TXNDC16: variants seen among roughly 807,000 people sequenced by gnomAD.
TXNDC16 encodes the protein thioredoxin domain containing 16, also known as thioredoxin domain-containing protein 16.
TXNDC16 carries 74 observed loss-of-function variants against 85.6 expected under a neutral mutation model. That is an observed-to-expected ratio of 0.86 (90% CI 0.72 to 1.05). TXNDC16 has a LOEUF of 1.05. Ranked by LOEUF, TXNDC16 falls within the 50% of genes least tolerant of loss-of-function variation. TXNDC16 has a pLI of 0.00. For synonymous variants in TXNDC16, 335 were observed against 326.5 expected (o/e 1.03, Z -0.28); for missense variants, 959 against 947.0 (o/e 1.01, Z -0.17).
Position 52,432,247 on chromosome 14 carries a change from G to A in TXNDC16, c.*57C>T, listed in dbSNP as rs1402467146. The stretch of plus-strand genomic sequence containing the variant: ...GAAATGATTTAATATTATTCTTTAA[G>A]GAAATAAATTAAGTCTATCATGCCA... On this transcript the variant is annotated 3_prime_UTR_variant, in exon 21 of 21. Coordinates refer to ENST00000281741, the MANE Select transcript of TXNDC16 (RefSeq NM_020784.3). 1 of 1,435,310 alleles carries A rather than the reference G, an allele frequency of 7.0e-7. No homozygotes were observed. The highest frequency in any genetic ancestry group is 2.3e-5 in the Admixed American group (1 of 43,428). 88.9% of individuals were successfully genotyped at this position (1,435,310 alleles called of 1,614,324 possible). A position where few individuals can be genotyped will look rare whatever the true frequency, so the allele number is the denominator to read the frequency against.
chr14:52,539,166 G>C (rs1170701164), intron 4 of TXNDC16, among the ~76,000 whole-genome samples: 3 of 152,168 alleles, frequency 2.0e-5, no homozygotes, highest in African/African-American at 7.2e-5. Flanking sequence ...AATATGTAGT[G>C]TTAAGTCCTA....
chr14:52,441,005 A>T (rs2035152227), intron 18 of TXNDC16, among the ~76,000 whole-genome samples: 1 of 152,208 alleles, frequency 6.6e-6, no homozygotes, highest in South Asian at 2.1e-4. Context: ...AACACTTCTA[A>T]TAATTTATTA....
intron 8 of TXNDC16, 60 bp from the exon 9 acceptor site, chr14:52,511,450 AT>A: frequency 3.5e-6 from 4 of 1,132,220 alleles, no homozygotes; most frequent in Non-Finnish European, 4.9e-6. Context: ...CTACCATCCA[AT>A]AAGCTGTAAC....
chr14:52,547,599 G>C (rs1318072652), intron 1 of TXNDC16, among the ~76,000 whole-genome samples: 3 of 152,200 alleles, frequency 2.0e-5, no homozygotes, highest in Non-Finnish European at 4.4e-5. Context: ...TGCCTAGAGA[G>C]ATTTCAACCG....
intron 1 of TXNDC16, among the ~76,000 whole-genome samples, chr14:52,548,570 C>A (rs948893977): frequency 6.6e-5 from 10 of 152,088 alleles, no homozygotes; most frequent in Admixed American, 4.6e-4. Context: ...TTGGTCACAA[C>A]CCTCATTCTT....
Position 52,470,183 on chromosome 14 carries a change from C to T in TXNDC16, c.1482-10G>A, listed in dbSNP as rs760531168. The stretch of plus-strand genomic sequence containing the variant: ...ATATGAAATCCTGTTGCTGGATAAA[C>T]ATATAACTATATTACAAATTAATTT... On this transcript the variant is annotated splice_polypyrimidine_tract_variant and intron_variant, in intron 15 of 20. Coordinates refer to ENST00000281741, the MANE Select transcript of TXNDC16 (RefSeq NM_020784.3). The T allele has an allele frequency of 6.4e-7, 1 of 1,570,668 alleles. No individual in the cohort carries two copies. The highest frequency in any genetic ancestry group is 8.6e-7 in the Non-Finnish European group (1 of 1,159,272).
chr14:52,504,545 T>G (rs1253116482), intron 9 of TXNDC16, among the ~76,000 whole-genome samples: 2 of 152,158 alleles, frequency 1.3e-5, no homozygotes, highest in African/African-American at 4.8e-5. Flanking sequence ...CCACCAGGCC[T>G]GCCCTAAAAG....
chr14:52,526,816 T>G lies in TXNDC16; in HGVS notation c.393-7523A>C, dbSNP rs144114415. 3.6e-3 allele frequency among the ~76,000 whole-genome samples: 554 copies of G among 152,308 alleles called. 2 individuals are homozygous for G. Among genetic ancestry groups the G allele is most frequent in the Non-Finnish European group, 6.4e-3 (432 of 68,010 alleles). ...ACTTTCAGCTCTAACCCTCAGTCTC[T>G]GAGGAGGAGCGAGGGGCTGAAGGTT... On this transcript the variant is annotated intron_variant, in intron 6 of 20. Transcript: ENST00000281741.
chr14:52,510,791 T>C (rs1449156574), intron 9 of TXNDC16, among the ~76,000 whole-genome samples: 1 of 152,208 alleles, frequency 6.6e-6, no homozygotes, highest in Admixed American at 6.5e-5. Context: ...TTCAGGCTAA[T>C]GGTAAGGAAA....
intron 16 of TXNDC16, among the ~76,000 whole-genome samples, chr14:52,458,571 A>G (rs2035587110): frequency 6.6e-6 from 1 of 152,182 alleles, no homozygotes; most frequent in Non-Finnish European, 1.5e-5. Context: ...GAGAGACGAG[A>G]GACAGAGAGA....
Position 52,514,912 on chromosome 14 carries a change from T to G in TXNDC16, c.573A>C (p.Leu191Phe), listed in dbSNP as rs777652795. ...FVYGTTYQFV[L>F]TTEIALLESI... is the part of the protein sequence containing the mutation. Reference sequence around the variant, plus strand: ...TTTCCAAAAGGGCAATTTCTGTGGTTAAGACAAATTGGTATGTAGTCCCAT... The same window carrying G: ...TTTCCAAAAGGGCAATTTCTGTGGTGAAGACAAATTGGTATGTAGTCCCAT... Residue 191 changes from leucine (L) to phenylalanine (F), a missense_variant, in exon 8 of 21, where the codon TTA becomes TTC. By Grantham distance (22) the Leu-to-Phe change is conservative. Coordinates refer to ENST00000281741, the MANE Select transcript of TXNDC16 (RefSeq NM_020784.3). 6.8e-6 allele frequency: 11 copies of G among 1,612,726 alleles called. No individual in the cohort carries two copies. Among genetic ancestry groups the G allele is most frequent in the East Asian group, 2.2e-5 (1 of 44,838 alleles).
chr14:52,533,080 T>C (rs1299050583), intron 6 of TXNDC16, among the ~76,000 whole-genome samples: 8 of 152,288 alleles, frequency 5.3e-5, no homozygotes, highest in African/African-American at 1.9e-4. Context: ...AATGGTGGTA[T>C]TGCCCTAGGA....
rs1437326520 is a variant in TXNDC16 at position 52,503,776 on chromosome 14, C to A, written c.756+7464G>T. Among the ~76,000 whole-genome samples, 9 of 152,102 alleles carry A rather than the reference C, an allele frequency of 5.9e-5. No individual in the cohort carries two copies. In the East Asian group the frequency reaches 1.5e-3, roughly 26 times the overall value. ...AAGGCTTCAGACGATCAAACTACTC[C>A]GAGCTAAAGAAGGAAGTTCGAAGCC... On this transcript the variant is annotated intron_variant, in intron 9 of 20. Coordinates refer to ENST00000281741, the MANE Select transcript of TXNDC16 (RefSeq NM_020784.3).
chr14:52,534,476 C>G (rs529232621), intron 6 of TXNDC16, among the ~76,000 whole-genome samples: 5 of 152,268 alleles, frequency 3.3e-5, no homozygotes, highest in Admixed American at 2.6e-4. Context: ...ATTCTTCTTC[C>G]GATGTGGCCC....
intron 16 of TXNDC16, among the ~76,000 whole-genome samples, chr14:52,462,188 A>AT (rs1040314169): frequency 4.2e-4 from 63 of 149,122 alleles, no homozygotes; most frequent in Middle Eastern, 3.4e-3. Context: ...TTTCTCTTTT[A>AT]TTTTTTTAAA....
At position 52,501,959 on chromosome 14, in the gene TXNDC16, C is replaced by T. The variant is rs61374439; in HGVS notation, c.756+9281G>A. On this transcript the variant is annotated intron_variant, in intron 9 of 20. Coordinates refer to ENST00000281741, the MANE Select transcript of TXNDC16 (RefSeq NM_020784.3). The stretch of plus-strand genomic sequence containing the variant: ...TAAGCCTTAGCCACCCGCCAATAGT[C>T]TCAAGGAATCTTTCGAGGCTTTGTC... 5.4e-3 allele frequency among the ~76,000 whole-genome samples: 823 copies of T among 152,348 alleles called. 6 individuals carry two copies. Among genetic ancestry groups the T allele is most frequent in the African/African-American group, 0.019 (773 of 41,582 alleles).
intron 12 of TXNDC16, among the ~76,000 whole-genome samples, chr14:52,487,633 A>G (rs1340993738): frequency 6.6e-6 from 1 of 152,226 alleles, no homozygotes; most frequent in Admixed American, 6.5e-5. Context: ...CCACTAGATT[A>G]TTCTAGCGAA....
chr14:52,483,982 T>A (rs1320780894), intron 12 of TXNDC16, among the ~76,000 whole-genome samples: 1 of 152,116 alleles, frequency 6.6e-6, no homozygotes, highest in Non-Finnish European at 1.5e-5. Context: ...GCAAAGAGAA[T>A]GGCATGAGCA....
At chr14:52,441,534 A>G (rs925741369) in intron 18 of TXNDC16, among the ~76,000 whole-genome samples, 2 of 151,888 alleles carry the variant, frequency 1.3e-5, no homozygotes, top group African/African-American at 4.8e-5. Flanking sequence ...GCTTGAACCC[A>G]GGAGAGGGAG....
Sources: allele counts gnomAD v4.1 joint callset (sites outside exome capture counted in the v4.1 genomes callset), GRCh38; gene constraint gnomAD v4.1.1; transcripts MANE v1.5; gene names NCBI Gene and HGNC (gene_info 2026-07-23, HGNC 2026-07-21).